NMT1: variants seen among roughly 807,000 people sequenced by gnomAD.
NMT1 encodes the protein glycylpeptide N-tetradecanoyltransferase 1.
NMT1 carries 12 observed loss-of-function variants against 63.4 expected under a neutral mutation model. The observed-to-expected ratio is 0.19, with a 90% confidence interval of 0.12 to 0.31. NMT1 has a LOEUF of 0.31. NMT1 is among the 10% of genes least tolerant of loss of function. The pLI is 1.00. For missense variants in NMT1, 432 were observed against 634.6 expected (o/e 0.68, Z 3.43); for synonymous variants, 228 against 234.3 (o/e 0.97, Z 0.25).
In NMT1 at chr17:45,081,644, T is replaced by C; in HGVS notation, c.132T>C (p.Gly44=). 6.2e-7 allele frequency: 1 copy of C among 1,608,154 alleles called. No individual in the cohort carries two copies. Among genetic ancestry groups the C allele is most frequent in the Non-Finnish European group, 8.5e-7 (1 of 1,178,332 alleles). The change falls in exon 2 of 12, where the codon GGT becomes GGC. Residue 44 remains glycine, a splice_region_variant and synonymous_variant. Coordinates refer to ENST00000258960, the MANE Select transcript of NMT1 (RefSeq NM_021079.5). ...CATTAGTATTTACTTTTTGTTACAG[T>C]GGTTTGAGTCCAGCCAATGACACTG... ...ENEEDNSYNR[G]GLSPANDTGA... is the part of the protein sequence containing the mutation.
At chr17:45,090,148 G>A (rs1283786120) in intron 3 of NMT1, among the ~76,000 whole-genome samples, 1 of 151,470 alleles carries the variant, frequency 6.6e-6, no homozygotes, top group African/African-American at 2.4e-5. Flanking sequence ...GCCAGACATG[G>A]TAGCACATGC....
chr17:45,061,400 G>A lies in NMT1; in HGVS notation c.71G>A (p.Gly24Glu). Residue 24 changes from glycine (G) to glutamate (E), a missense_variant, in exon 1 of 12, where the codon GGG (glycine) becomes GAG (glutamate). Around this residue, in one of 4 missense-constraint regions of NMT1, gnomAD observed 121 missense variants for 103.7 expected, o/e 1.17. Transcript: ENST00000258960. The part of the protein sequence containing the change: ...PPLPQMMEGN[G>E]NGHEHCSDCE... ...CTGCCGCAGATGATGGAAGGGAACG[G>A]GAACGGCCATGAGCACTGCAGCGAT... The A allele has an allele frequency of 6.2e-7, 1 of 1,614,074 alleles. No individual in the cohort carries two copies. The highest frequency in any genetic ancestry group is 8.5e-7 in the Non-Finnish European group (1 of 1,180,006).
chr17:45,078,489 T>C (rs886796842), intron 1 of NMT1, among the ~76,000 whole-genome samples: 12 of 151,636 alleles, frequency 7.9e-5, no homozygotes, highest in African/African-American at 2.9e-4. Flanking sequence ...TCTCCCTGTA[T>C]ATATATATAT....
intron 1 of NMT1, among the ~76,000 whole-genome samples, chr17:45,074,295 A>G (rs2053963612): frequency 6.6e-6 from 1 of 151,360 alleles, no homozygotes; most frequent in Non-Finnish European, 1.5e-5. Context: ...GCTCACTGCA[A>G]GCTCCGCCTC....
At chr17:45,094,540 A>T (rs1411416857) in intron 4 of NMT1, among the ~76,000 whole-genome samples, 4 of 145,444 alleles carry the variant, frequency 2.8e-5, no homozygotes, top group African/African-American at 1.0e-4. Context: ...TTTGAGATGG[A>T]GTCTCGCTCT....
Position 45,105,004 on chromosome 17 carries a change from A to G in NMT1, c.1470+8A>G. 4 of 1,614,098 alleles carry G rather than the reference A, an allele frequency of 2.5e-6. No homozygotes were observed. Among genetic ancestry groups the G allele is most frequent in the Non-Finnish European group, 3.4e-6 (4 of 1,180,006 alleles). ...AGCATGGGGGCAGAGAAGGTAGGCG[A>G]CACATAGCCAGAGTCCAGGCTGCCC... is the stretch of plus-strand genomic sequence containing the variant. On this transcript the variant is annotated splice_region_variant and intron_variant, in intron 11 of 11. Coordinates refer to ENST00000258960, the MANE Select transcript of NMT1 (RefSeq NM_021079.5). The surrounding 1 kb of genome is among the most constrained non-coding windows in gnomAD (Gnocchi z 4.2).
chr17:45,061,326 C>G lies in NMT1; in HGVS notation c.-4C>G, dbSNP rs2053853188. 6.2e-7 allele frequency: 1 copy of G among 1,613,108 alleles called. No individual in the cohort carries two copies. ...GGCGCGGAGCCCTGCTCTCGCAACT[C>G]AAGATGGCGGACGAGAGTGAGACAG... is the stretch of plus-strand genomic sequence containing the variant. On this transcript the variant is annotated 5_prime_UTR_variant, in exon 1 of 12. Coordinates refer to ENST00000258960, the MANE Select transcript of NMT1 (RefSeq NM_021079.5).
chr17:45,081,831 C>T, intron 2 of NMT1, 79 bp downstream of exon 2: 1 of 1,097,272 alleles, frequency 9.1e-7, no homozygotes, highest in Non-Finnish European at 1.3e-6. Context: ...ATAGGATCAA[C>T]TTGGATTGAC....
intron 2 of NMT1, among the ~76,000 whole-genome samples, chr17:45,082,609 TTAAA>T (rs1262351762): frequency 2.0e-5 from 3 of 152,232 alleles, no homozygotes; most frequent in Non-Finnish European, 2.9e-5. Context: ...GTTTTGTTTC[TTAAA>T]TAAAACAACA....
chr17:45,091,237 C>CAT (rs1555606665), intron 3 of NMT1, among the ~76,000 whole-genome samples: 1 of 148,322 alleles, frequency 6.7e-6, no homozygotes, highest in African/African-American at 2.5e-5. Context: ...CACACACACA[C>CAT]GTCCCATAGC....
rs2143511420 is a variant in NMT1, at chr17:45,097,153, C to T, written c.622C>T (p.Pro208Ser). Residue 208 changes from proline (P) to serine (S), a missense_variant, in exon 6 of 12, where the codon CCC becomes TCC. Transcript: ENST00000258960. ...LWALRPPGWL[P>S]QWHCGVRVVS... ...GGCTCTCCGGCCACCCGGCTGGCTC[C>T]CCCAGTGGCACTGTGGGGTTCGAGT... 6.2e-7 allele frequency: 1 copy of T among 1,614,220 alleles called. No homozygotes were observed. Among genetic ancestry groups the T allele is most frequent in the Non-Finnish European group, 8.5e-7 (1 of 1,180,032 alleles).
intron 1 of NMT1, among the ~76,000 whole-genome samples, chr17:45,074,360 G>T (rs961834248): frequency 2.0e-5 from 3 of 151,806 alleles, no homozygotes; most frequent in East Asian, 1.9e-4. Context: ...GACTACAGGC[G>T]CCCACCACCA....
At chr17:45,094,107 G>A (rs1204998649) in intron 4 of NMT1, among the ~76,000 whole-genome samples, 1 of 152,074 alleles carries the variant, frequency 6.6e-6, no homozygotes, top group African/African-American at 2.4e-5. Flanking sequence ...TGGAGCAGCT[G>A]GGGCTGCTAA....
At chr17:45,078,324 A>G (rs1053009593) in intron 1 of NMT1, among the ~76,000 whole-genome samples, 1 of 152,200 alleles carries the variant, frequency 6.6e-6, no homozygotes, top group Admixed American at 6.6e-5. Flanking sequence ...AAGATTGTGA[A>G]GGCAAAGAGA....
intron 1 of NMT1, chr17:45,062,040 A>G (rs1468221384): frequency 1.3e-5 from 2 of 152,336 alleles, no homozygotes; most frequent in South Asian, 2.0e-4. Flanking sequence ...CAAATAATCC[A>G]TAAGTATCCT....
In NMT1 at chr17:45,061,351, G is replaced by C. The variant is rs907713546; in HGVS notation, c.22G>C (p.Ala8Pro). 3.7e-6 allele frequency: 6 copies of C among 1,613,998 alleles called. No individual in the cohort carries two copies. The African/African-American group carries it at 5.3e-5, about 14-fold the overall frequency. Residue 8 changes from alanine to proline, a missense_variant, in exon 1 of 12, where the codon GCA (alanine) becomes CCA (proline). Physicochemically the swap from Ala to Pro is conservative, Grantham distance 27. Coordinates refer to ENST00000258960, the MANE Select transcript of NMT1 (RefSeq NM_021079.5). ...CAAGATGGCGGACGAGAGTGAGACA[G>C]CAGTGAAGCCGCCGGCACCTCCGCT... MADESET[A>P]VKPPAPPLPQ...
intron 3 of NMT1, among the ~76,000 whole-genome samples, chr17:45,093,024 A>G (rs1349436418): frequency 1.3e-5 from 2 of 152,192 alleles, no homozygotes; most frequent in African/African-American, 4.8e-5. Context: ...AGCACTCCCC[A>G]CATGCTCCCA....
In NMT1 at chr17:45,104,578, A is replaced by T; in HGVS notation, c.1333-281A>T. On this transcript the variant is annotated intron_variant, in intron 10 of 11. Coordinates refer to ENST00000258960, the MANE Select transcript of NMT1 (RefSeq NM_021079.5). The surrounding 1 kb of genome is among the most constrained non-coding windows in gnomAD (Gnocchi z 4.2). ...GGACTGTGGAAATTACTAGAGTTTC[A>T]GGGAGGCATAACCAGGAATAGCAAG... The T allele has an allele frequency of 8.2e-7, 1 of 1,215,682 alleles. No individual in the cohort carries two copies. Among genetic ancestry groups the T allele is most frequent in the Non-Finnish European group, 1.0e-6 (1 of 970,086 alleles). 75.3% of individuals were successfully genotyped at this position (1,215,682 alleles called of 1,614,324 possible). A position where few individuals can be genotyped will look rare whatever the true frequency, so the allele number is the denominator to read the frequency against.
chr17:45,065,912 A>G (rs1252235990), intron 1 of NMT1, among the ~76,000 whole-genome samples: 4 of 149,006 alleles, frequency 2.7e-5, no homozygotes, highest in Admixed American at 1.4e-4. Context: ...GTGTCTCGCT[A>G]TGTTGCTCAG....
Sources: gnomAD v4.1 joint callset for allele counts (sites outside exome capture counted in the v4.1 genomes callset) on GRCh38, gnomAD v4.1.1 for gene constraint, gnomAD v4.1.1 regional missense constraint, Gnocchi (gnomAD v3.1) non-coding constraint, MANE v1.5 for transcripts, NCBI Gene and HGNC (gene_info 2026-07-23, HGNC 2026-07-21) for gene names.